Variants in GABRG3 observed in about 807,000 individuals in gnomAD.
The protein encoded by GABRG3 is gamma-aminobutyric acid receptor subunit gamma-3.
A neutral mutation model predicts 48.8 loss-of-function variants in GABRG3; 25 were observed. The observed-to-expected ratio is 0.51, with a 90% confidence interval of 0.37 to 0.72. GABRG3 has a LOEUF of 0.72. Ranked by LOEUF, GABRG3 falls within the 30% of genes least tolerant of loss-of-function variation. GABRG3 has a pLI of 0.00. For synonymous variants in GABRG3, 227 were observed against 217.6 expected, an observed-to-expected ratio of 1.04 and a Z score of -0.38; for missense variants, 394 against 577.9, an observed-to-expected ratio of 0.68 and a Z score of 3.26.
At chr15:27,068,724 C>T (rs1043105969) in intron 3 of GABRG3, among the ~76,000 whole-genome samples, 1 of 152,146 alleles carries the variant, frequency 6.6e-6, no homozygotes, top group Non-Finnish European at 1.5e-5. Context: ...ATGGATATGA[C>T]AGGGAGTCTG....
chr15:27,472,962 C>T (rs1048683425), intron 5 of GABRG3, among the ~76,000 whole-genome samples: 11 of 152,070 alleles, frequency 7.2e-5, no homozygotes, highest in Admixed American at 2.0e-4. Context: ...CTCATTCCTG[C>T]GTAAATCCTA....
At chr15:27,462,183 T>A (rs568270578) in intron 5 of GABRG3, among the ~76,000 whole-genome samples, 39 of 152,250 alleles carry the variant, frequency 2.6e-4, no homozygotes, top group African/African-American at 9.4e-4. Context: ...ACCTCCCCTC[T>A]GAGCCGGCTC....
intron 3 of GABRG3, among the ~76,000 whole-genome samples, chr15:27,254,395 T>C (rs986994321): frequency 6.6e-6 from 1 of 152,032 alleles, no homozygotes; most frequent in African/African-American, 2.4e-5. Context: ...TACTGTGTTG[T>C]TTAGTTAAGG....
intron 1 of GABRG3, among the ~76,000 whole-genome samples, chr15:26,972,092 G>A (rs1024565113): frequency 6.6e-6 from 1 of 152,066 alleles, no homozygotes. Flanking sequence ...TTGGAACCAG[G>A]TGGGCAGAAG....
chr15:27,089,469 C>T (rs544354891), intron 3 of GABRG3, among the ~76,000 whole-genome samples: 2 of 152,114 alleles, frequency 1.3e-5, no homozygotes, highest in South Asian at 4.1e-4. Context: ...TCAGTCACCT[C>T]CCCAGGTGAC....
rs1566818272 is a variant in GABRG3, at chr15:27,388,275, GTAA to G, written c.574+59388_574+59390del. On this transcript the variant is annotated intron_variant, in intron 5 of 9. Transcript: ENST00000615808. Reference sequence around the variant, plus strand: ...GAAGGAAGGAAAGGAGGGAGGGAGGGTAAGGAAGGAAGGAAGAAAAGAAGGAAG... The same window carrying G: ...GAAGGAAGGAAAGGAGGGAGGGAGGGGGAAGGAAGGAAGAAAAGAAGGAAG... Among the ~76,000 whole-genome samples the G allele has an allele frequency of 7.7e-3, 366 of 47,760 alleles. 40 individuals are homozygous for G. The highest frequency in any genetic ancestry group is 0.011 in the Non-Finnish European group (277 of 25,588). 31.3% of individuals were successfully genotyped at this position (47,760 alleles called of 152,430 possible). A position where few individuals can be genotyped will look rare whatever the true frequency, so the allele number is the denominator to read the frequency against.
At chr15:27,493,380 C>G (rs1482739021) in intron 6 of GABRG3, among the ~76,000 whole-genome samples, 1 of 152,016 alleles carries the variant, frequency 6.6e-6, no homozygotes, top group African/African-American at 2.4e-5. Context: ...AGATAGCTTT[C>G]AAAATAATCT....
rs370498632 is a variant in GABRG3, at chr15:27,208,605, C to T, written c.271-118204C>T. 1.0e-3 allele frequency: 172 copies of T among 169,498 alleles called. 1 individual carries two copies. Among genetic ancestry groups the T allele is most frequent in the African/African-American group, 3.9e-3 (164 of 41,788 alleles). The allele number at this position is 169,498 out of a possible 1,614,324, so 10.5% of individuals were successfully genotyped here. A position where few individuals can be genotyped will look rare whatever the true frequency, so the allele number is the denominator to read the frequency against. ...CTGTCTGAGAGCAGGTCACTGAGATCTTCCATGGAGCGTTTGAAAGGGCCT... is the reference window on the plus strand; with the variant it reads ...CTGTCTGAGAGCAGGTCACTGAGATTTTCCATGGAGCGTTTGAAAGGGCCT... On this transcript the variant is annotated intron_variant, in intron 3 of 9. Transcript: ENST00000615808.
intron 3 of GABRG3, chr15:27,161,460 A>G (rs930274139): frequency 1.3e-5 from 2 of 152,176 alleles, no homozygotes; most frequent in African/African-American, 2.4e-5. Flanking sequence ...GGAAACCTCC[A>G]TCTTTTACAA....
At chr15:27,203,685 A>C (rs974398135) in intron 3 of GABRG3, among the ~76,000 whole-genome samples, 1 of 151,958 alleles carries the variant, frequency 6.6e-6, no homozygotes, top group Non-Finnish European at 1.5e-5. Context: ...TTTCTTTGCA[A>C]CCTCACCAGC....
intron 3 of GABRG3, among the ~76,000 whole-genome samples, chr15:27,277,098 T>C (rs1566990625): frequency 6.6e-6 from 1 of 152,228 alleles, no homozygotes; most frequent in Non-Finnish European, 1.5e-5. Context: ...CATCCTTGCC[T>C]GTGGCAGGGA....
intron 5 of GABRG3, among the ~76,000 whole-genome samples, chr15:27,389,037 A>T (rs538259811): frequency 2.0e-5 from 3 of 152,330 alleles, no homozygotes; most frequent in African/African-American, 7.2e-5. Flanking sequence ...CTAACACATA[A>T]TGTTCCTGCT....
At chr15:27,184,603 A>G (rs1489500603) in intron 3 of GABRG3, among the ~76,000 whole-genome samples, 3 of 152,242 alleles carry the variant, frequency 2.0e-5, no homozygotes, top group Admixed American at 1.3e-4. Context: ...GAAATTGTAT[A>G]AAATTGTTGT....
intron 2 of GABRG3, among the ~76,000 whole-genome samples, chr15:27,010,970 A>G (rs891792): frequency 0.55 from 84,237 of 151,848 alleles, 23,839 homozygotes; most frequent in African/African-American, 0.64. Flanking sequence ...CTCAGCCTCC[A>G]GAGTAGCTGG....
chr15:26,974,272 A>C lies in GABRG3; in HGVS notation c.53+2684A>C, dbSNP rs1894896641. Among the ~76,000 whole-genome samples, 2 of 152,158 alleles carry C rather than the reference A, an allele frequency of 1.3e-5. No homozygotes were observed. Among genetic ancestry groups the C allele is most frequent in the South Asian group, 4.1e-4 (2 of 4,820 alleles). On this transcript the variant is annotated intron_variant, in intron 1 of 9. Transcript: ENST00000615808. This position sits in a 1 kb window ranked among gnomAD's most constrained non-coding sequence, Gnocchi z 4.3. ...TCACTGCCACCTGTCCTGGCCTCTA[A>C]GGAGGAAGCGCTTGCAATTTCAGGA...
At position 27,390,817 on chromosome 15, in the gene GABRG3, G is replaced by C. The variant is rs113063484; in HGVS notation, c.574+61929G>C. Among the ~76,000 whole-genome samples the C allele has an allele frequency of 4.1e-3, 626 of 152,246 alleles. 3 individuals carry two copies. Among genetic ancestry groups the C allele is most frequent in the African/African-American group, 0.014 (593 of 41,534 alleles). ...AAAAAGACATAATCAGGCCGGGCAC[G>C]GTGGCTCATGCCTGTAATCCCAGCA... On this transcript the variant is annotated intron_variant, in intron 5 of 9. Coordinates refer to ENST00000615808, the MANE Select transcript of GABRG3 (RefSeq NM_033223.5).
At chr15:27,339,051 C>T (rs1894076065) in intron 5 of GABRG3, among the ~76,000 whole-genome samples, 1 of 152,148 alleles carries the variant, frequency 6.6e-6, no homozygotes, top group Non-Finnish European at 1.5e-5. Flanking sequence ...ATGTCTTTTG[C>T]TGTGGCAGGA....
At chr15:27,416,550 G>A (rs1327657405) in intron 5 of GABRG3, among the ~76,000 whole-genome samples, 1 of 152,184 alleles carries the variant, frequency 6.6e-6, no homozygotes, top group Non-Finnish European at 1.5e-5. Context: ...GATATTCACT[G>A]TAAGAATAAG....
chr15:27,042,210 G>T (rs1056793234), intron 3 of GABRG3, among the ~76,000 whole-genome samples: 18 of 152,174 alleles, frequency 1.2e-4, no homozygotes, highest in African/African-American at 4.3e-4. Context: ...CTAGACCAGA[G>T]AATTCCGGTT....
Sources: allele counts gnomAD v4.1 joint callset (sites outside exome capture counted in the v4.1 genomes callset), GRCh38; gene constraint gnomAD v4.1.1; non-coding constraint Gnocchi (gnomAD v3.1); transcripts MANE v1.5; gene names NCBI Gene and HGNC (gene_info 2026-07-23, HGNC 2026-07-21).